The following ERGIC1 variants were observed in gnomAD, a reference collection of about 807,000 sequenced individuals.
ERGIC1 encodes the protein endoplasmic reticulum-Golgi intermediate compartment protein 1.
In ERGIC1, 19 loss-of-function variants were observed where a neutral mutation model predicts 38.3. The observed-to-expected ratio is 0.50, with a 90% CI of 0.35 to 0.73. ERGIC1 has a LOEUF of 0.73. Among genes scored for constraint, ERGIC1 ranks in the 30% least tolerant of loss-of-function variants. ERGIC1 has a pLI of 0.01. For synonymous variants in ERGIC1, 124 were observed against 157.6 expected (o/e 0.79, Z 1.60); for missense variants, 294 against 389.2 (o/e 0.76, Z 2.06).
intron 9 of ERGIC1, among the ~76,000 whole-genome samples, chr5:172,945,831 C>T (rs1764110084): frequency 6.6e-6 from 1 of 152,074 alleles, no homozygotes; most frequent in Admixed American, 6.6e-5. Context: ...ATTACAGGCA[C>T]CTGCCACCAT....
intron 9 of ERGIC1, among the ~76,000 whole-genome samples, chr5:172,943,439 C>T (rs1479044631): frequency 2.6e-5 from 4 of 151,936 alleles, no homozygotes; most frequent in Non-Finnish European, 5.9e-5. Context: ...TTCTCATCCC[C>T]GGCTCCAGCC....
chr5:172,849,814 G>A (rs1451421387), intron 1 of ERGIC1, among the ~76,000 whole-genome samples: 1 of 152,218 alleles, frequency 6.6e-6, no homozygotes, highest in Non-Finnish European at 1.5e-5. Flanking sequence ...AAGGCAGGGA[G>A]GAAGGAAGCT....
At chr5:172,883,057 T>C (rs954810620) in intron 1 of ERGIC1, among the ~76,000 whole-genome samples, 1 of 152,322 alleles carries the variant, frequency 6.6e-6, no homozygotes, top group Non-Finnish European at 1.5e-5. Flanking sequence ...CTCAGCCTCC[T>C]GAGTAACTGG....
chr5:172,894,548 C>T (rs1183459774), intron 2 of ERGIC1, among the ~76,000 whole-genome samples: 1 of 152,166 alleles, frequency 6.6e-6, no homozygotes, highest in African/African-American at 2.4e-5. Flanking sequence ...CCCCATGTCT[C>T]AGGGTGGTTG....
intron 1 of ERGIC1, among the ~76,000 whole-genome samples, chr5:172,879,115 A>G (rs1339823046): frequency 1.3e-5 from 2 of 152,364 alleles, no homozygotes; most frequent in Admixed American, 1.3e-4. Context: ...ATGGCGAACC[A>G]CAGAGTGATC....
At chr5:172,907,483 G>A (rs551123148) in intron 3 of ERGIC1, among the ~76,000 whole-genome samples, 8 of 152,106 alleles carry the variant, frequency 5.3e-5, no homozygotes, top group East Asian at 3.9e-4. Flanking sequence ...GCTTGAACCC[G>A]GGAGGCGGAG....
intron 7 of ERGIC1, among the ~76,000 whole-genome samples, chr5:172,928,992 C>T (rs370160967): frequency 1.8e-4 from 28 of 152,098 alleles, no homozygotes; most frequent in African/African-American, 6.0e-4. Flanking sequence ...ACTTCAGGAA[C>T]GAGATCCCCT....
intron 1 of ERGIC1, among the ~76,000 whole-genome samples, chr5:172,883,028 T>A (rs923775194): frequency 1.3e-5 from 2 of 152,140 alleles, no homozygotes; most frequent in Non-Finnish European, 2.9e-5. Context: ...AATCTTCTGG[T>A]CTCAAGTGAT....
At position 172,876,716 on chromosome 5, in the gene ERGIC1, GC is replaced by G. The variant is rs1581533119; in HGVS notation, c.21-11982del. ...ATGGATATCTACACCACACCCCAAA[GC>G]TTGCTCCTCCCTGTCCTTTCCGCTC... On this transcript the variant is annotated intron_variant, in intron 1 of 9. Coordinates refer to ENST00000393784, the MANE Select transcript of ERGIC1 (RefSeq NM_001031711.3). Among the ~76,000 whole-genome samples, 4 of 152,238 alleles carry G rather than the reference GC, an allele frequency of 2.6e-5. No homozygotes were observed. The East Asian group carries it at 7.7e-4, about 29-fold the overall frequency.
intron 1 of ERGIC1, among the ~76,000 whole-genome samples, chr5:172,851,287 T>C (rs1427490779): frequency 6.7e-6 from 1 of 150,144 alleles, no homozygotes; most frequent in African/African-American, 2.5e-5. Flanking sequence ...GGCAGCCGGA[T>C]CACCTGAGGT....
At chr5:172,904,583 T>A (rs952878796) in intron 3 of ERGIC1, among the ~76,000 whole-genome samples, 1 of 152,192 alleles carries the variant, frequency 6.6e-6, no homozygotes, top group African/African-American at 2.4e-5. Context: ...CAAACCACAA[T>A]GAATCCACAA....
intron 1 of ERGIC1, among the ~76,000 whole-genome samples, chr5:172,861,136 T>G (rs987469222): frequency 5.3e-5 from 8 of 152,160 alleles, no homozygotes; most frequent in Non-Finnish European, 8.8e-5. Context: ...TGCCCCTCCC[T>G]GCGTGCCAGC....
Position 172,951,722 on chromosome 5 carries a change from T to C in ERGIC1, c.*906T>C, listed in dbSNP as rs1360781624. The C allele has an allele frequency of 6.6e-6, 1 of 152,274 alleles. No homozygotes were observed. The highest frequency in any genetic ancestry group is 1.9e-4 in the East Asian group (1 of 5,204). The allele number at this position is 152,274 out of a possible 1,614,324, so 9.4% of individuals were successfully genotyped here. ...TCATCTTTTGAGATCCAGATAGACATGGTTTGTGCACTTACGTCCAGATGG... is the reference window on the plus strand; with the variant it reads ...TCATCTTTTGAGATCCAGATAGACACGGTTTGTGCACTTACGTCCAGATGG... On this transcript the variant is annotated 3_prime_UTR_variant, in exon 10 of 10. Transcript: ENST00000393784.
intron 8 of ERGIC1, 79 bp from the exon 9 acceptor site, chr5:172,935,109 T>TG: frequency 6.2e-7 from 1 of 1,601,712 alleles, no homozygotes. Flanking sequence ...GGAGGGTTGC[T>TG]GGGGGGCCCT....
intron 1 of ERGIC1, among the ~76,000 whole-genome samples, chr5:172,851,002 C>T (rs1581510588): frequency 6.6e-6 from 1 of 151,756 alleles, no homozygotes; most frequent in African/African-American, 2.4e-5. Flanking sequence ...GAGTTCGAGA[C>T]CAGCCTGGCC....
Position 172,952,213 on chromosome 5 carries a change from G to A in ERGIC1, c.*1397G>A, listed in dbSNP as rs943920511. 1.3e-5 allele frequency: 2 copies of A among 152,196 alleles called. No individual in the cohort carries two copies. The highest frequency in any genetic ancestry group is 2.4e-5 in the African/African-American group (1 of 41,454). The allele number at this position is 152,196 out of a possible 1,614,324, so 9.4% of individuals were successfully genotyped here. ...AATGAAGGGGAGTGTCCAGTGGAAGGATTTTTAAAATTATCTTATGGATAG... is the reference window on the plus strand; with the variant it reads ...AATGAAGGGGAGTGTCCAGTGGAAGAATTTTTAAAATTATCTTATGGATAG... On this transcript the variant is annotated 3_prime_UTR_variant, in exon 10 of 10. Coordinates refer to ENST00000393784, the MANE Select transcript of ERGIC1 (RefSeq NM_001031711.3).
At chr5:172,903,023 T>C (rs1241828281) in intron 3 of ERGIC1, among the ~76,000 whole-genome samples, 1 of 134,558 alleles carries the variant, frequency 7.4e-6, no homozygotes, top group East Asian at 2.3e-4. Flanking sequence ...ACAAGGCCAC[T>C]GTCCACCCAC....
rs566068168 is a variant in ERGIC1 at position 172,924,126 on chromosome 5, C to T, written c.480+17C>T. On this transcript the variant is annotated intron_variant, in intron 6 of 9. Coordinates refer to ENST00000393784, the MANE Select transcript of ERGIC1 (RefSeq NM_001031711.3). ...ACGCTACAGGTGAGCAGGGGACACT[C>T]GAGATGGCATGGCCGGGGGTGGGCC... 3.1e-5 allele frequency: 50 copies of T among 1,612,040 alleles called. No individual in the cohort carries two copies. In the South Asian group the frequency reaches 4.6e-4, roughly 15 times the overall value.
At chr5:172,949,256 A>G (rs1403404243) in intron 9 of ERGIC1, among the ~76,000 whole-genome samples, 3 of 152,220 alleles carry the variant, frequency 2.0e-5, no homozygotes, top group Admixed American at 1.3e-4. Context: ...GTGCCTGAGA[A>G]GCAACAGGGT....
Sources: gnomAD v4.1 joint callset for allele counts (sites outside exome capture counted in the v4.1 genomes callset) on GRCh38, gnomAD v4.1.1 for gene constraint, MANE v1.5 for transcripts, NCBI Gene and HGNC (gene_info 2026-07-23, HGNC 2026-07-21) for gene names.